Variants in CD163L1 observed in about 807,000 individuals in gnomAD.
CD163L1 encodes CD163 molecule like 1, also known as scavenger receptor cysteine-rich type 1 protein M160.
Under a neutral mutation model 165.4 loss-of-function variants are expected in CD163L1, and 124 were observed. The observed-to-expected ratio is 0.75, with a 90% confidence interval of 0.65 to 0.87. CD163L1 has a LOEUF of 0.87. Ranked by LOEUF, CD163L1 falls within the 40% of genes least tolerant of loss-of-function variation. The pLI, the probability that CD163L1 is intolerant of heterozygous loss-of-function variation, is 0.00. For synonymous variants in CD163L1, 585 were observed against 662.2 expected (o/e 0.88, Z 1.79); for missense variants, 1,525 against 1,799.9 (o/e 0.85, Z 2.76).
chr12:7,421,359 GTATATA>G (rs768118738), intron 4 of CD163L1, among the ~76,000 whole-genome samples: 1 of 95,086 alleles, frequency 1.1e-5, no homozygotes, highest in African/African-American at 4.3e-5. Flanking sequence ...ATATATATGT[GTATATA>G]TGTATATATA....
intron 4 of CD163L1, among the ~76,000 whole-genome samples, chr12:7,416,792 T>G (rs1174753805): frequency 6.6e-6 from 1 of 152,040 alleles, no homozygotes; most frequent in Admixed American, 6.6e-5. Context: ...TGTTTTGGTA[T>G]GAGTACCATG....
intron 8 of CD163L1, among the ~76,000 whole-genome samples, chr12:7,383,605 A>T (rs1250935200): frequency 6.6e-6 from 1 of 152,192 alleles, no homozygotes; most frequent in East Asian, 1.9e-4. Context: ...ACTGAGGCTC[A>T]AGGACTGGCT....
In CD163L1 at chr12:7,432,442, T is replaced by C. The variant is rs998878470; in HGVS notation, c.740A>G (p.Asn247Ser). ...ATAACAAGTTAATGTGACATCCTCA[T>C]TGTGACTGCAGTCATGATTTCCCCA... ...RGWGNHDCSHNEDVTLTCYDS... is the reference protein window; with the variant it reads ...RGWGNHDCSHSEDVTLTCYDS... The change falls in exon 4 of 20, where the codon AAT (asparagine) becomes AGT (serine). Residue 247 changes from asparagine (N) to serine (S), a missense_variant. Transcript: ENST00000313599. This position sits in a 1 kb window ranked among gnomAD's most constrained non-coding sequence, Gnocchi z 4.2. 3.7e-6 allele frequency: 6 copies of C among 1,613,452 alleles called. No individual in the cohort carries two copies. The highest frequency in any genetic ancestry group is 5.1e-6 in the Non-Finnish European group (6 of 1,179,582).
At chr12:7,320,673 C>A in the CD163L1 span, 1 of 1,472,382 alleles carries the variant, frequency 6.8e-7, no homozygotes, top group African/African-American at 1.4e-5. Flanking sequence ...CAGCTCTAGT[C>A]ATGGCCTTTG....
At position 7,369,295 on chromosome 12, in the gene CD163L1, T is replaced by A; in HGVS notation, c.4039+62A>T. On this transcript the variant is annotated intron_variant, in intron 15 of 19. Transcript: ENST00000313599. This position sits in a 1 kb window ranked among gnomAD's most constrained non-coding sequence, Gnocchi z 4.9. ...CAGCTCAACTCTCTGAGTGAGCCTG[T>A]TTCCCAGTGTTCTCTACCATTAGTG... The A allele has an allele frequency of 6.6e-7, 1 of 1,518,926 alleles. No homozygotes were observed. Among genetic ancestry groups the A allele is most frequent in the Non-Finnish European group, 9.0e-7 (1 of 1,109,546 alleles). The allele number at this position is 1,518,926 out of a possible 1,614,324, so 94.1% of individuals were successfully genotyped here.
chr12:7,403,763 A>C lies in CD163L1; in HGVS notation c.1180T>G (p.Cys394Gly). Residue 394 changes from cysteine to glycine, a missense_variant, in exon 6 of 20, where the codon TGT becomes GGT. Transcript: ENST00000313599. Reference sequence around the variant, plus strand: ...TGTTCATTCTTCCAGTTCTGGTCACATATTGTCCACCACTGTTCATGAATT... The same window carrying C: ...TGTTCATTCTTCCAGTTCTGGTCACCTATTGTCCACCACTGTTCATGAATT... ...VRIHEQWWTI[C>G]DQNWKNEQAL... is the part of the protein sequence containing the mutation. 6.2e-7 allele frequency: 1 copy of C among 1,613,932 alleles called. No homozygotes were observed. The highest frequency in any genetic ancestry group is 8.5e-7 in the Non-Finnish European group (1 of 1,179,956).
At chr12:7,378,099 A>G (rs182256665) in intron 9 of CD163L1, among the ~76,000 whole-genome samples, 1 of 152,300 alleles carries the variant, frequency 6.6e-6, no homozygotes, top group Non-Finnish European at 1.5e-5. Flanking sequence ...TTCCAAGATT[A>G]TCTTTCCAGA....
At chr12:7,327,769 T>C in the CD163L1 span, among the ~76,000 whole-genome samples, 2 of 152,200 alleles carry the variant, frequency 1.3e-5, no homozygotes, top group African/African-American at 2.4e-5. Flanking sequence ...TCAGTGACTG[T>C]TGACTTTCAG....
intron 14 of CD163L1, among the ~76,000 whole-genome samples, chr12:7,371,829 A>G (rs373729608): frequency 1.3e-5 from 2 of 151,908 alleles, no homozygotes; most frequent in East Asian, 1.9e-4. Context: ...AAATCAAAAG[A>G]GCAGGGAGCA....
At chr12:7,431,922 T>C (rs1025779283) in intron 4 of CD163L1, among the ~76,000 whole-genome samples, 1 of 152,154 alleles carries the variant, frequency 6.6e-6, no homozygotes, top group African/African-American at 2.4e-5. Context: ...CGGATATATG[T>C]ATCTAGAGCT....
At chr12:7,335,017 C>G in the CD163L1 span, among the ~76,000 whole-genome samples, 2 of 152,164 alleles carry the variant, frequency 1.3e-5, no homozygotes, top group African/African-American at 4.8e-5. Context: ...GAAGAACATT[C>G]CATGCTCATG....
chr12:7,333,166 C>T, the CD163L1 span, among the ~76,000 whole-genome samples: 2 of 152,178 alleles, frequency 1.3e-5, no homozygotes, highest in Admixed American at 6.5e-5. Context: ...GAACTCTCCA[C>T]CCCAAATCAA....
chr12:7,323,308 T>C, the CD163L1 span: 1 of 1,610,528 alleles, frequency 6.2e-7, no homozygotes, highest in Non-Finnish European at 8.5e-7. Context: ...TGCCCTATGA[T>C]GTCCAGGTAG....
At chr12:7,335,337 A>G in the CD163L1 span, among the ~76,000 whole-genome samples, 2 of 152,196 alleles carry the variant, frequency 1.3e-5, no homozygotes, top group East Asian at 1.9e-4. Context: ...AAATAATGCC[A>G]CATATCTACA....
intron 4 of CD163L1, among the ~76,000 whole-genome samples, chr12:7,424,515 G>C (rs112376856): frequency 3.3e-5 from 5 of 152,156 alleles, no homozygotes; most frequent in Non-Finnish European, 5.9e-5. Context: ...AGAAATAAAG[G>C]GTATTCAAAT....
chr12:7,426,203 A>C (rs1176764565), intron 4 of CD163L1, among the ~76,000 whole-genome samples: 1 of 152,184 alleles, frequency 6.6e-6, no homozygotes, highest in African/African-American at 2.4e-5. Flanking sequence ...AGAAAATCAA[A>C]CACCACATGT....
At chr12:7,426,767 G>C (rs747699077) in intron 4 of CD163L1, among the ~76,000 whole-genome samples, 1 of 152,058 alleles carries the variant, frequency 6.6e-6, no homozygotes, top group Non-Finnish European at 1.5e-5. Flanking sequence ...TGGTTGAATG[G>C]ATTAAGAAAA....
At chr12:7,423,760 C>T (rs916375066) in intron 4 of CD163L1, among the ~76,000 whole-genome samples, 3 of 152,020 alleles carry the variant, frequency 2.0e-5, no homozygotes, top group Non-Finnish European at 4.4e-5. Context: ...ACACATACCC[C>T]CTCCCAAGAC....
intron 4 of CD163L1, among the ~76,000 whole-genome samples, chr12:7,414,498 T>C (rs1319730672): frequency 6.6e-6 from 1 of 151,940 alleles, no homozygotes; most frequent in African/African-American, 2.4e-5. Flanking sequence ...AATATATGCA[T>C]TATAGAAATT....
Sources: allele counts gnomAD v4.1 joint callset (sites outside exome capture counted in the v4.1 genomes callset), GRCh38; gene constraint gnomAD v4.1.1; non-coding constraint Gnocchi (gnomAD v3.1); transcripts MANE v1.5; gene names NCBI Gene and HGNC (gene_info 2026-07-23, HGNC 2026-07-21).